The following ERC1 variants were observed in gnomAD, a reference collection of about 807,000 sequenced individuals.
ERC1 encodes RAB6 interacting protein 2.
A neutral mutation model predicts 132.0 loss-of-function variants in ERC1; 56 were observed. The ratio of observed to expected loss-of-function variants is 0.42; its 90% CI spans 0.34 to 0.53. ERC1 has a LOEUF of 0.53. Among genes scored for constraint, ERC1 ranks in the 20% least tolerant of loss-of-function variants. ERC1 has a pLI of 0.03. For missense variants in ERC1, 1,202 were observed against 1,349.9 expected, an observed-to-expected ratio of 0.89 and a Z score of 1.72; for synonymous variants, 478 against 476.1, an observed-to-expected ratio of 1.00 and a Z score of -0.05.
chr12:1,265,039 G>C (rs551641603), intron 14 of ERC1, among the ~76,000 whole-genome samples: 1 of 152,232 alleles, frequency 6.6e-6, no homozygotes, highest in South Asian at 2.1e-4. Context: ...GCCTTTCAGT[G>C]CCCTGTTCCT....
intron 15 of ERC1, among the ~76,000 whole-genome samples, chr12:1,347,447 T>C (rs1417171819): frequency 2.7e-5 from 2 of 75,200 alleles, no homozygotes; most frequent in African/African-American, 9.4e-5. Context: ...AATTAACATA[T>C]CATTATCTCA....
At chr12:1,375,894 G>A (rs1050291349) in intron 16 of ERC1, among the ~76,000 whole-genome samples, 4 of 151,858 alleles carry the variant, frequency 2.6e-5, no homozygotes, top group Non-Finnish European at 5.9e-5. Context: ...CCGCCACCGC[G>A]CCCGGCTAAT....
intron 16 of ERC1, among the ~76,000 whole-genome samples, chr12:1,399,115 A>AT (rs1031505809): frequency 9.1e-4 from 134 of 147,676 alleles, no homozygotes; most frequent in African/African-American, 3.2e-3. Context: ...ATGCCCAGCA[A>AT]TTTTTTTTTA....
chr12:999,677 C>A (rs1189130453), intron 1 of ERC1, among the ~76,000 whole-genome samples: 6 of 140,680 alleles, frequency 4.3e-5, no homozygotes, highest in African/African-American at 1.0e-4. Context: ...AATGGTGCAA[C>A]CTCCGCCTCC....
intron 3 of ERC1, among the ~76,000 whole-genome samples, chr12:1,098,727 G>T (rs1470568954): frequency 6.6e-6 from 1 of 152,214 alleles, no homozygotes; most frequent in African/African-American, 2.4e-5. Flanking sequence ...TGCCAAATGG[G>T]CAGTTGGATG....
At chr12:1,328,212 TCA>T (rs762811656) in intron 15 of ERC1, among the ~76,000 whole-genome samples, 2 of 152,134 alleles carry the variant, frequency 1.3e-5, no homozygotes, top group Non-Finnish European at 2.9e-5. Flanking sequence ...ATTGGCATAA[TCA>T]CTGGTCACTG....
chr12:1,041,342 G>A (rs1970183213), intron 2 of ERC1, among the ~76,000 whole-genome samples: 1 of 151,934 alleles, frequency 6.6e-6, no homozygotes, highest in Non-Finnish European at 1.5e-5. Context: ...CAAGTAGGTG[G>A]GACTACAGGC....
chr12:1,213,144 T>C (rs1958035244), intron 12 of ERC1, among the ~76,000 whole-genome samples: 1 of 152,216 alleles, frequency 6.6e-6, no homozygotes, highest in African/African-American at 2.4e-5. Flanking sequence ...GACCTACCGG[T>C]ATTTTTTTTC....
chr12:1,040,575 G>A (rs1046232310), intron 2 of ERC1, among the ~76,000 whole-genome samples: 1 of 151,710 alleles, frequency 6.6e-6, no homozygotes, highest in Non-Finnish European at 1.5e-5. Flanking sequence ...CAAAGTGCTG[G>A]GTTTACAGGC....
At chr12:1,313,218 AAG>A (rs2081436736) in intron 15 of ERC1, among the ~76,000 whole-genome samples, 1 of 152,008 alleles carries the variant, frequency 6.6e-6, no homozygotes, top group African/African-American at 2.4e-5. Context: ...CAAGGGGGAA[AAG>A]GGACGTGCCA....
At chr12:1,419,427 G>C (rs1447566486) in intron 17 of ERC1, among the ~76,000 whole-genome samples, 1 of 149,538 alleles carries the variant, frequency 6.7e-6, no homozygotes, top group Admixed American at 6.8e-5. Context: ...ATAACATGTA[G>C]TGTAAGAAGC....
intron 17 of ERC1, among the ~76,000 whole-genome samples, chr12:1,438,484 A>G (rs1189634926): frequency 6.6e-6 from 1 of 152,242 alleles, no homozygotes; most frequent in African/African-American, 2.4e-5. Context: ...CAGTTAATAT[A>G]TGGACAGTTG....
intron 17 of ERC1, among the ~76,000 whole-genome samples, chr12:1,417,191 C>A (rs2092159585): frequency 6.6e-6 from 1 of 152,134 alleles, no homozygotes; most frequent in Non-Finnish European, 1.5e-5. Flanking sequence ...AATTTAAAAT[C>A]TTCATTTCTG....
At chr12:1,389,225 A>T (rs553805408) in intron 16 of ERC1, among the ~76,000 whole-genome samples, 1 of 152,322 alleles carries the variant, frequency 6.6e-6, no homozygotes, top group Admixed American at 6.5e-5. Flanking sequence ...GTAGAGTTGA[A>T]TTCGAGGTTA....
chr12:1,084,777 G>A (rs554534076), intron 3 of ERC1, among the ~76,000 whole-genome samples: 1 of 151,938 alleles, frequency 6.6e-6, no homozygotes, highest in African/African-American at 2.4e-5. Flanking sequence ...CTGCAGCCTT[G>A]AAATCCTGGG....
At chr12:1,164,698 T>C (rs889364345) in intron 8 of ERC1, among the ~76,000 whole-genome samples, 3 of 152,180 alleles carry the variant, frequency 2.0e-5, no homozygotes, top group Non-Finnish European at 4.4e-5. Context: ...CTCCACCTTC[T>C]TCCTGAGAAG....
chr12:1,403,407 A>T (rs982484741), intron 16 of ERC1, among the ~76,000 whole-genome samples: 1 of 152,174 alleles, frequency 6.6e-6, no homozygotes, highest in African/African-American at 2.4e-5. Context: ...ATACTATGAG[A>T]GCCCCTTAAG....
chr12:1,440,634 G>T lies in ERC1; in HGVS notation c.3025-3928G>T, dbSNP rs866723340. On this transcript the variant is annotated intron_variant, in intron 17 of 18. Transcript: ENST00000360905. ...TGTGTGTGTGTGTGTGTGTGTGTGT[G>T]TGTGTGTGTGTGTGTGTGTGTGTGT... Among the ~76,000 whole-genome samples, 102 of 122,868 alleles carry T rather than the reference G, an allele frequency of 8.3e-4. 4 individuals carry two copies. The highest frequency in any genetic ancestry group is 3.1e-3 in the African/African-American group (84 of 26,928). The allele number at this position is 122,868 out of a possible 152,430, so 80.6% of individuals were successfully genotyped here. A position where few individuals can be genotyped will look rare whatever the true frequency, so the allele number is the denominator to read the frequency against.
Position 1,490,384 on chromosome 12 carries a change from C to T in ERC1, c.*154C>T. 1 of 689,114 alleles carries T rather than the reference C, an allele frequency of 1.5e-6. No homozygotes were observed. Among genetic ancestry groups the T allele is most frequent in the Non-Finnish European group, 2.4e-6 (1 of 415,966 alleles). The allele number at this position is 689,114 out of a possible 1,614,324, so 42.7% of individuals were successfully genotyped here. A position where few individuals can be genotyped will look rare whatever the true frequency, so the allele number is the denominator to read the frequency against. On this transcript the variant is annotated 3_prime_UTR_variant, in exon 19 of 19. Transcript: ENST00000360905. ...AAGTGTGATTCCAGCACCGTTTCTA[C>T]ATCTGCCATCTTACTCTGCCTTTCT... is the stretch of plus-strand genomic sequence containing the variant.
Sources: allele counts gnomAD v4.1 joint callset (sites outside exome capture counted in the v4.1 genomes callset), GRCh38; gene constraint gnomAD v4.1.1; transcripts MANE v1.5; gene names NCBI Gene and HGNC (gene_info 2026-07-23, HGNC 2026-07-21).